Variants in RPL31 observed in about 807,000 individuals in gnomAD.
The protein encoded by RPL31 is large ribosomal subunit protein eL31.
For synonymous variants in RPL31, 51 were observed against 55.0 expected (o/e 0.93, Z 0.32); for missense variants, 95 against 164.0 (o/e 0.58, Z 2.30).
downstream of RPL31, chr2:101,011,652 G>T: frequency 8.9e-7 from 1 of 1,124,668 alleles, no homozygotes; most frequent in Non-Finnish European, 1.3e-6. Flanking sequence ...CCAGCCTGTG[G>T]ACTGTAGTTT....
intron 4 of RPL31, chr2:101,017,761 A>G: frequency 1.5e-6 from 2 of 1,359,196 alleles, no homozygotes; most frequent in Non-Finnish European, 2.0e-6. Context: ...GACAAAAAGG[A>G]TAAGATGTTA....
At chr2:101,006,196 G>A in intron 4 of RPL31, 125 bp downstream of exon 4, 2 of 1,508,200 alleles carry the variant, frequency 1.3e-6, no homozygotes, top group Non-Finnish European at 1.8e-6. Context: ...AATTGTTGGT[G>A]TGGGAAGATG....
At chr2:101,006,319 G>A (rs1255719665) in intron 4 of RPL31, 31 bp from the exon 5 acceptor site, 1 of 1,604,564 alleles carries the variant, frequency 6.2e-7, no homozygotes, top group Non-Finnish European at 8.5e-7. Context: ...TGTGATGTGG[G>A]TATGGAAATT....
At chr2:101,012,869 T>A (rs1284513889) in intron 4 of RPL31, among the ~76,000 whole-genome samples, 5 of 152,226 alleles carry the variant, frequency 3.3e-5, no homozygotes, top group Non-Finnish European at 7.3e-5. Context: ...AAGCTACCCT[T>A]ACTTTTTCCA....
At position 101,006,619 on chromosome 2, in the gene RPL31, T is replaced by TTAA. The variant is rs1477151703; in HGVS notation, c.*240_*242dup. The TTAA allele has an allele frequency of 6.0e-5, 26 of 429,910 alleles. No homozygotes were observed. Among genetic ancestry groups the TTAA allele is most frequent in the African/African-American group, 2.9e-4 (14 of 48,724 alleles). The allele number at this position is 429,910 out of a possible 1,614,324, so 26.6% of individuals were successfully genotyped here. ...TAGTTGGGATACTGAAGGCATATTGTTAATTATTCTACTTGTATGTTTTGC... is the reference window on the plus strand; with the variant it reads ...TAGTTGGGATACTGAAGGCATATTGTTAATAATTATTCTACTTGTATGTTTTGC... On this transcript the variant is annotated 3_prime_UTR_variant, in exon 5 of 5. Coordinates refer to ENST00000264258, the MANE Select transcript of RPL31 (RefSeq NM_000993.5).
chr2:101,011,194 G>T, downstream of RPL31: 2 of 721,124 alleles, frequency 2.8e-6, no homozygotes, highest in Non-Finnish European at 2.3e-6. Flanking sequence ...GGTGGTAACT[G>T]GGGGACTTCT....
chr2:101,011,040 A>AAAAC, downstream of RPL31: 5 of 1,607,546 alleles, frequency 3.1e-6, no homozygotes, highest in Non-Finnish European at 4.2e-6. Context: ...GAAACAAAGG[A>AAAAC]AAACAATATG....
downstream of RPL31, among the ~76,000 whole-genome samples, chr2:101,010,552 G>T (rs1342531998): frequency 1.3e-5 from 2 of 151,844 alleles, no homozygotes; most frequent in East Asian, 3.9e-4. Flanking sequence ...GCAGGTAAAG[G>T]GGCCCAAGCT....
chr2:101,010,226 A>T (rs530971030), downstream of RPL31, among the ~76,000 whole-genome samples: 21 of 152,302 alleles, frequency 1.4e-4, no homozygotes, highest in South Asian at 1.0e-3. Context: ...TTTCTGGAAG[A>T]TGCTCAGAAG....
chr2:101,008,097 C>T (rs761057673), downstream of RPL31: 35 of 1,613,708 alleles, frequency 2.2e-5, no homozygotes, highest in Non-Finnish European at 2.8e-5. Flanking sequence ...GAGCTGAAGC[C>T]CGCAGCTCCT....
At chr2:101,011,146 A>G (rs1679179026), downstream of RPL31, 1 of 969,608 alleles carries the variant, frequency 1.0e-6, no homozygotes, top group Admixed American at 2.4e-5. Context: ...AATTCCATAC[A>G]AAACTGGAAA....
chr2:101,006,397 T>A lies in RPL31; in HGVS notation c.*16T>A, dbSNP rs762772153. Reference sequence around the variant, plus strand: ...TGAGAACTAATCGCTGATCGTCAGATCAAATAAAGTTATAAAATTGCCTTC... The same window carrying A: ...TGAGAACTAATCGCTGATCGTCAGAACAAATAAAGTTATAAAATTGCCTTC... On this transcript the variant is annotated 3_prime_UTR_variant, in exon 5 of 5. Coordinates refer to ENST00000264258, the MANE Select transcript of RPL31 (RefSeq NM_000993.5). 6.2e-7 allele frequency: 1 copy of A among 1,608,536 alleles called. No homozygotes were observed. The highest frequency in any genetic ancestry group is 1.1e-5 in the South Asian group (1 of 89,856).
chr2:101,007,781 G>C (rs769923428), downstream of RPL31: 4 of 1,581,676 alleles, frequency 2.5e-6, no homozygotes, highest in South Asian at 2.3e-5. Flanking sequence ...TTCGTGCTTT[G>C]GTATGGTGGA....
downstream of RPL31, chr2:101,007,724 G>C (rs1246589408): frequency 7.8e-7 from 1 of 1,285,480 alleles, no homozygotes; most frequent in Non-Finnish European, 1.1e-6. Context: ...CCATTGGTAA[G>C]GTAGACTGAA....
downstream of RPL31, chr2:101,007,335 T>G (rs1040396831): frequency 6.5e-6 from 1 of 154,456 alleles, no homozygotes; most frequent in South Asian, 2.0e-4. Context: ...CAACCAAATA[T>G]ATTAAAATGG....
At chr2:101,018,639 A>C (rs1220512015) in intron 4 of RPL31, among the ~76,000 whole-genome samples, 1 of 152,220 alleles carries the variant, frequency 6.6e-6, no homozygotes, top group African/African-American at 2.4e-5. Flanking sequence ...TCTGTGAATA[A>C]AATAGCATAT....
Position 101,006,855 on chromosome 2 carries a change from A to G in RPL31, c.*474A>G, listed in dbSNP as rs1558959816. ...ATAGTTGTTGTCTTCTAAAATAATT[A>G]ATTGATTTTTGGTGAGATAACCAGA... On this transcript the variant is annotated 3_prime_UTR_variant, in exon 5 of 5. Transcript: ENST00000264258. 6.5e-6 allele frequency: 1 copy of G among 152,974 alleles called. No homozygotes were observed. Among genetic ancestry groups the G allele is most frequent in the South Asian group, 2.1e-4 (1 of 4,836 alleles). The allele number at this position is 152,974 out of a possible 1,614,324, so 9.5% of individuals were successfully genotyped here.
downstream of RPL31, chr2:101,007,908 A>G (rs1028109405): frequency 4.3e-6 from 7 of 1,613,852 alleles, no homozygotes; most frequent in Non-Finnish European, 1.7e-6. Context: ...TGGCATTTTC[A>G]AGTTTGGATT....
At chr2:101,019,667 T>TGATTTTCTGAAACCATGAAGGAC (rs1679905200) in exon 5 of RPL31, 2 of 152,238 alleles carry the variant, frequency 1.3e-5, no homozygotes. Context: ...TCTGAACAAT[T>TGATTTTCTGAAACCATGAAGGAC]GATTTTCTGA....
Sources: allele counts gnomAD v4.1 joint callset (sites outside exome capture counted in the v4.1 genomes callset), GRCh38; gene constraint gnomAD v4.1.1; transcripts MANE v1.5; gene names NCBI Gene and HGNC (gene_info 2026-07-23, HGNC 2026-07-21).